Variants in RSPO2 observed in about 807,000 individuals in gnomAD.
RSPO2 encodes the protein R-spondin 2.
A neutral mutation model predicts 30.9 loss-of-function variants in RSPO2; 14 were observed. The ratio of observed to expected loss-of-function variants is 0.45; its 90% confidence interval spans 0.30 to 0.71. The LOEUF is 0.71. RSPO2 is among the 30% of genes least tolerant of loss of function. The pLI is 0.08. For synonymous variants in RSPO2, 107 were observed against 96.4 expected, an observed-to-expected ratio of 1.11 and a Z score of -0.64; for missense variants, 264 against 301.9, an observed-to-expected ratio of 0.87 and a Z score of 0.93.
intron 5 of RSPO2, among the ~76,000 whole-genome samples, chr8:107,957,857 CTAAGT>C (rs992269415): frequency 3.9e-5 from 6 of 152,184 alleles, no homozygotes; most frequent in East Asian, 1.9e-4. Context: ...AGGTACTCTC[CTAAGT>C]TATGTTTAAG....
At chr8:107,978,933 C>A (rs111593243) in intron 3 of RSPO2, among the ~76,000 whole-genome samples, 1 of 152,096 alleles carries the variant, frequency 6.6e-6, no homozygotes. Flanking sequence ...TGAAAAAATG[C>A]TCATCATCAC....
intron 5 of RSPO2, among the ~76,000 whole-genome samples, chr8:107,936,400 T>C (rs1812724129): frequency 6.6e-6 from 1 of 152,204 alleles, no homozygotes. Context: ...TGAATAGTGC[T>C]GCAATAAACA....
At chr8:107,938,303 C>A (rs375214230) in intron 5 of RSPO2, among the ~76,000 whole-genome samples, 2 of 152,170 alleles carry the variant, frequency 1.3e-5, no homozygotes, top group Admixed American at 6.6e-5. Flanking sequence ...TCCACCTTTT[C>A]CCAGGCAAAT....
intron 5 of RSPO2, among the ~76,000 whole-genome samples, chr8:107,925,441 C>T (rs1812332920): frequency 6.6e-6 from 1 of 151,600 alleles, no homozygotes; most frequent in South Asian, 2.1e-4. Flanking sequence ...TTCTAGGGTA[C>T]ATGTGCACAA....
intron 5 of RSPO2, among the ~76,000 whole-genome samples, chr8:107,946,390 A>G (rs1218547615): frequency 2.0e-5 from 3 of 152,184 alleles, no homozygotes; most frequent in African/African-American, 7.2e-5. Flanking sequence ...TGCCTTTGGA[A>G]AGGGGGGCTG....
intron 3 of RSPO2, among the ~76,000 whole-genome samples, chr8:107,982,562 T>C (rs1426272904): frequency 2.6e-5 from 4 of 152,144 alleles, no homozygotes; most frequent in African/African-American, 9.7e-5. Flanking sequence ...AACTTCCCCA[T>C]CTGTGTGAGC....
At chr8:107,963,522 CAAAAAAAAAAAA>C (rs61697128) in intron 3 of RSPO2, among the ~76,000 whole-genome samples, 6 of 32,020 alleles carry the variant, frequency 1.9e-4, no homozygotes, top group Non-Finnish European at 2.5e-4. Flanking sequence ...AGACCTGTCT[CAAAAAAAAAAAA>C]AAAAAAAAAA....
intron 2 of RSPO2, among the ~76,000 whole-genome samples, chr8:108,037,298 T>G: frequency 6.6e-6 from 1 of 152,252 alleles, no homozygotes; most frequent in Non-Finnish European, 1.5e-5. Flanking sequence ...GAAGTCTGGA[T>G]AGAAGAATAA....
chr8:107,983,630 C>A (rs1586600881), intron 3 of RSPO2: 13 of 1,596,244 alleles, frequency 8.1e-6, no homozygotes, highest in Middle Eastern at 2.2e-4. Context: ...GAGGAGCAGG[C>A]AACCAAAATT....
At chr8:108,068,220 G>GT (rs1812732095) in intron 2 of RSPO2, among the ~76,000 whole-genome samples, 1 of 152,186 alleles carries the variant, frequency 6.6e-6, no homozygotes, top group Non-Finnish European at 1.5e-5. Context: ...AGTTTGTGTA[G>GT]TTTCACACAA....
At chr8:107,937,468 A>G (rs1282940042) in intron 5 of RSPO2, among the ~76,000 whole-genome samples, 1 of 151,192 alleles carries the variant, frequency 6.6e-6, no homozygotes, top group African/African-American at 2.4e-5. Flanking sequence ...CAGTCTCCAC[A>G]GTATCAGAGA....
chr8:108,058,729 GA>G (rs1563583731), intron 2 of RSPO2, among the ~76,000 whole-genome samples: 1 of 151,714 alleles, frequency 6.6e-6, no homozygotes, highest in Non-Finnish European at 1.5e-5. Flanking sequence ...ACAAACCTGA[GA>G]AAAACAAGCA....
intron 3 of RSPO2, among the ~76,000 whole-genome samples, chr8:107,961,073 T>C (rs1008107487): frequency 4.6e-5 from 7 of 152,162 alleles, no homozygotes; most frequent in African/African-American, 1.7e-4. Context: ...TTTGGACATG[T>C]TGGTAATCTC....
chr8:107,955,910 C>T lies in RSPO2; in HGVS notation c.616+2170G>A, dbSNP rs551683933. Among the ~76,000 whole-genome samples the T allele has an allele frequency of 4.9e-4, 75 of 152,286 alleles. 1 individual carries two copies. Among genetic ancestry groups the T allele is most frequent in the African/African-American group, 1.6e-3 (67 of 41,560 alleles). ...AATGCCTGTATTCCCAACCTGATTA[C>T]GACTTACATTTTTGCATGGTTTGTC... On this transcript the variant is annotated intron_variant, in intron 5 of 5. Coordinates refer to ENST00000276659, the MANE Select transcript of RSPO2 (RefSeq NM_178565.5).
chr8:107,958,005 G>C (rs889603480), intron 5 of RSPO2, 75 bp downstream of exon 5: 2 of 973,488 alleles, frequency 2.1e-6, no homozygotes, highest in African/African-American at 1.6e-5. Flanking sequence ...ACTTATTTTT[G>C]GAAGGGAAGG....
intron 3 of RSPO2, among the ~76,000 whole-genome samples, chr8:107,978,055 C>T (rs1406162992): frequency 6.6e-6 from 1 of 152,012 alleles, no homozygotes; most frequent in East Asian, 1.9e-4. Flanking sequence ...TCAATCAAAA[C>T]CAAAATCAAT....
intron 3 of RSPO2, among the ~76,000 whole-genome samples, chr8:107,972,993 G>T (rs76521609): frequency 6.6e-6 from 1 of 152,188 alleles, no homozygotes; most frequent in Non-Finnish European, 1.5e-5. Flanking sequence ...GCTGGCGGCC[G>T]AGTGCGGTGG....
At chr8:107,975,730 G>T (rs1014392895) in intron 3 of RSPO2, among the ~76,000 whole-genome samples, 2 of 152,128 alleles carry the variant, frequency 1.3e-5, no homozygotes. Context: ...GCCCTGGTGA[G>T]GTCACATTTT....
intron 2 of RSPO2, among the ~76,000 whole-genome samples, chr8:108,029,346 T>C (rs1811340895): frequency 1.3e-5 from 2 of 152,106 alleles, no homozygotes; most frequent in Admixed American, 6.6e-5. Flanking sequence ...CTTCTAAGGA[T>C]TGCTGCAAGG....
Sources: gnomAD v4.1 joint callset for allele counts (sites outside exome capture counted in the v4.1 genomes callset) on GRCh38, gnomAD v4.1.1 for gene constraint, MANE v1.5 for transcripts, NCBI Gene and HGNC (gene_info 2026-07-23, HGNC 2026-07-21) for gene names.